The following PTPRK variants were observed in gnomAD, a reference collection of about 807,000 sequenced individuals.
The protein encoded by PTPRK is protein tyrosine phosphatase receptor type K, also known as receptor-type tyrosine-protein phosphatase kappa.
A neutral mutation model predicts 178.0 loss-of-function variants in PTPRK; 75 were observed. The observed-to-expected ratio is 0.42, with a 90% CI of 0.35 to 0.51. The LOEUF is 0.51. Ranked by LOEUF, PTPRK falls within the 20% of genes least tolerant of loss-of-function variation. PTPRK has a pLI of 0.02. For missense variants in PTPRK, 1,441 were observed against 1,797.8 expected (o/e 0.80, Z 3.59); for synonymous variants, 637 against 620.6 (o/e 1.03, Z -0.39).
chr6:128,081,774 G>T (rs1784869763), intron 10 of PTPRK, among the ~76,000 whole-genome samples: 1 of 151,956 alleles, frequency 6.6e-6, no homozygotes, highest in Admixed American at 6.6e-5. Context: ...ATACTACAAA[G>T]CTAACTCCTT....
chr6:128,219,451 A>G (rs1809999030), intron 5 of PTPRK, among the ~76,000 whole-genome samples: 1 of 152,152 alleles, frequency 6.6e-6, no homozygotes, highest in East Asian at 1.9e-4. Flanking sequence ...TCGTGCTCCT[A>G]TGAGAATCTA....
intron 21 of PTPRK, among the ~76,000 whole-genome samples, chr6:127,986,868 T>A (rs1776038081): frequency 6.6e-6 from 1 of 152,152 alleles, no homozygotes; most frequent in Non-Finnish European, 1.5e-5. Flanking sequence ...AAGTTAGTGA[T>A]CATTTCTTAA....
At chr6:128,490,910 T>C (rs986093236) in intron 1 of PTPRK, among the ~76,000 whole-genome samples, 3 of 152,194 alleles carry the variant, frequency 2.0e-5, no homozygotes, top group African/African-American at 7.2e-5. Context: ...TCTTCCTCTT[T>C]TTATAAGGAC....
At chr6:128,026,847 ATTTC>A (rs1339197744) in intron 13 of PTPRK, among the ~76,000 whole-genome samples, 2 of 152,128 alleles carry the variant, frequency 1.3e-5, no homozygotes, top group Non-Finnish European at 2.9e-5. Flanking sequence ...TTCACTCTGT[ATTTC>A]TTAATCTATT....
At chr6:127,984,114 A>G (rs1383168005) in intron 22 of PTPRK, among the ~76,000 whole-genome samples, 1 of 152,226 alleles carries the variant, frequency 6.6e-6, no homozygotes, top group Non-Finnish European at 1.5e-5. Flanking sequence ...TTTAGTCTTT[A>G]ATTGGCAAAT....
intron 22 of PTPRK, among the ~76,000 whole-genome samples, chr6:127,985,407 C>T (rs1293098484): frequency 6.6e-6 from 1 of 152,154 alleles, no homozygotes. Context: ...TTCAACCTAG[C>T]ATTCTATACA....
intron 2 of PTPRK, among the ~76,000 whole-genome samples, chr6:128,382,539 C>T (rs1838093437): frequency 6.6e-6 from 1 of 151,554 alleles, no homozygotes; most frequent in African/African-American, 2.4e-5. Context: ...TCCCAAGTAG[C>T]TGGGATTACA....
At chr6:128,511,070 G>A (rs1585027286) in intron 1 of PTPRK, among the ~76,000 whole-genome samples, 3 of 152,112 alleles carry the variant, frequency 2.0e-5, no homozygotes, top group South Asian at 2.1e-4. Context: ...CTGAGACAAG[G>A]AAAATAAAAT....
chr6:128,197,781 C>A (rs76609495), intron 6 of PTPRK, among the ~76,000 whole-genome samples: 4,336 of 151,964 alleles, frequency 0.029, 144 homozygotes, highest in African/African-American at 0.08. Context: ...AATAAAGGCA[C>A]AAAATAACAT....
intron 7 of PTPRK, among the ~76,000 whole-genome samples, chr6:128,126,750 A>C (rs1203777683): frequency 1.3e-5 from 2 of 152,228 alleles, no homozygotes; most frequent in Non-Finnish European, 2.9e-5. Context: ...TGGCCTCCCA[A>C]AGTGCTGAGG....
At chr6:128,283,487 C>G (rs1373181234) in intron 3 of PTPRK, among the ~76,000 whole-genome samples, 1 of 152,028 alleles carries the variant, frequency 6.6e-6, no homozygotes, top group African/African-American at 2.4e-5. Flanking sequence ...AAAGAGAGGG[C>G]TTTTTAGAAA....
At chr6:128,450,311 T>G (rs1386404609) in intron 1 of PTPRK, among the ~76,000 whole-genome samples, 1 of 152,222 alleles carries the variant, frequency 6.6e-6, no homozygotes. Context: ...GTACTCAATT[T>G]ATTTGAAAAT....
chr6:128,177,131 A>T (rs1562730907), intron 7 of PTPRK, among the ~76,000 whole-genome samples: 1 of 151,668 alleles, frequency 6.6e-6, no homozygotes, highest in Non-Finnish European at 1.5e-5. Flanking sequence ...AAAGTCTCAA[A>T]CTCACAGGCT....
rs769912419 is a variant in PTPRK, at chr6:128,518,989, T to C, written c.100+1270A>G. Reference sequence around the variant, plus strand: ...GGGCCTCCACAACAACGTGAGAAACTGTCAGGTACAAAGTAAGTTATTTGC... The same window carrying C: ...GGGCCTCCACAACAACGTGAGAAACCGTCAGGTACAAAGTAAGTTATTTGC... On this transcript the variant is annotated intron_variant, in intron 1 of 29. Coordinates refer to ENST00000368226, the MANE Select transcript of PTPRK (RefSeq NM_002844.4). 5 of 502,780 alleles carry C rather than the reference T, an allele frequency of 9.9e-6. No homozygotes were observed. In the Admixed American group the frequency reaches 1.1e-4, roughly 11 times the overall value. 31.1% of individuals were successfully genotyped at this position (502,780 alleles called of 1,614,324 possible).
At chr6:128,195,815 A>T (rs144798998) in intron 6 of PTPRK, among the ~76,000 whole-genome samples, 1,586 of 152,270 alleles carry the variant, frequency 0.01, 20 homozygotes, top group African/African-American at 0.035. Context: ...AAAATTTGTC[A>T]TTAGCTTATA....
chr6:128,167,675 G>T (rs1799616481), intron 7 of PTPRK, among the ~76,000 whole-genome samples: 1 of 152,068 alleles, frequency 6.6e-6, no homozygotes, highest in African/African-American at 2.4e-5. Context: ...CCACAGTAAG[G>T]TTCCCTATGA....
rs1336925805 is a variant in PTPRK, at chr6:128,083,708, C to T, written c.1575+7G>A. Reference sequence around the variant, plus strand: ...CATTTCAATTAACTTCCTTGTTCTCCCAATACCTCATATTGAGTGATGATT... The same window carrying T: ...CATTTCAATTAACTTCCTTGTTCTCTCAATACCTCATATTGAGTGATGATT... On this transcript the variant is annotated splice_region_variant and intron_variant, in intron 9 of 29. Coordinates refer to ENST00000368226, the MANE Select transcript of PTPRK (RefSeq NM_002844.4). 2 of 1,537,220 alleles carry T rather than the reference C, an allele frequency of 1.3e-6. No homozygotes were observed. The highest frequency in any genetic ancestry group is 8.9e-7 in the Non-Finnish European group (1 of 1,120,742).
intron 1 of PTPRK, among the ~76,000 whole-genome samples, chr6:128,460,044 G>A (rs1042323438): frequency 2.6e-5 from 4 of 152,084 alleles, no homozygotes; most frequent in African/African-American, 7.2e-5. Flanking sequence ...CAGCACTAGG[G>A]GGATGGTGCT....
intron 12 of PTPRK, 35 bp from the exon 13 acceptor site, chr6:128,064,829 T>C (rs2114930151): frequency 1.9e-6 from 3 of 1,550,940 alleles, no homozygotes; most frequent in South Asian, 2.5e-5. Flanking sequence ...AAAGAGTCAA[T>C]GTACAGATAA....
Sources: gnomAD v4.1 joint callset for allele counts (sites outside exome capture counted in the v4.1 genomes callset) on GRCh38, gnomAD v4.1.1 for gene constraint, MANE v1.5 for transcripts, NCBI Gene and HGNC (gene_info 2026-07-23, HGNC 2026-07-21) for gene names.